Variants in SAMD5 observed in about 807,000 individuals in gnomAD.
SAMD5 encodes sterile alpha motif domain containing 5.
Under a neutral mutation model 11.3 loss-of-function variants are expected in SAMD5, and 13 were observed. That is an observed-to-expected ratio of 1.15 (90% CI 0.75 to 1.83). The LOEUF (loss-of-function observed/expected upper bound fraction) is 1.83, where lower values mean the gene tolerates loss of function less well. Among genes scored for constraint, SAMD5 ranks in the 40% most tolerant of loss-of-function variants. SAMD5 has a pLI of 0.00. For missense variants in SAMD5, 255 were observed against 239.1 expected, an observed-to-expected ratio of 1.07 and a Z score of -0.44; for synonymous variants, 129 against 111.3, an observed-to-expected ratio of 1.16 and a Z score of -1.00.
At chr6:147,690,059 TAA>T (rs1258822600) in intron 1 of SAMD5, among the ~76,000 whole-genome samples, 1 of 152,138 alleles carries the variant, frequency 6.6e-6, no homozygotes, top group Non-Finnish European at 1.5e-5. Flanking sequence ...CACCCCACAG[TAA>T]AAAACAGTGC....
intron 1 of SAMD5, among the ~76,000 whole-genome samples, chr6:147,549,476 GATAA>G (rs1378417164): frequency 1.3e-5 from 2 of 152,156 alleles, no homozygotes; most frequent in Non-Finnish European, 2.9e-5. Context: ...GAAGGTGATG[GATAA>G]ATGTTTCTCT....
chr6:147,510,169 G>T (rs1788066825), intron 1 of SAMD5, among the ~76,000 whole-genome samples: 1 of 152,158 alleles, frequency 6.6e-6, no homozygotes, highest in Non-Finnish European at 1.5e-5. Flanking sequence ...TGGGAGAGGA[G>T]GACCGAGCAC....
chr6:147,524,153 C>A (rs1455867912), intron 1 of SAMD5, among the ~76,000 whole-genome samples: 3 of 152,038 alleles, frequency 2.0e-5, no homozygotes, highest in Admixed American at 6.6e-5. Context: ...TTAATGTGAT[C>A]CTTCATGTTG....
the SAMD5 span, among the ~76,000 whole-genome samples, chr6:147,900,281 A>G: frequency 0.21 from 32,198 of 152,164 alleles, 3,486 homozygotes; most frequent in Non-Finnish European, 0.23. Context: ...GCTCACATGA[A>G]GCAGAGATGA....
chr6:147,821,698 T>C, the SAMD5 span, among the ~76,000 whole-genome samples: 58 of 152,316 alleles, frequency 3.8e-4, no homozygotes, highest in African/African-American at 1.4e-3. Context: ...GGAAGATGAT[T>C]GGGCAAGTTA....
At position 147,569,418 on chromosome 6, in the gene SAMD5, A is replaced by G. The variant is rs552602750; in HGVS notation, c.*4962A>G. The G allele has an allele frequency of 2.1e-6, 2 of 965,052 alleles. No homozygotes were observed. The highest frequency in any genetic ancestry group is 2.3e-4 in the East Asian group (2 of 8,698). 59.8% of individuals were successfully genotyped at this position (965,052 alleles called of 1,614,324 possible). Reference sequence around the variant, plus strand: ...AAGAGCTAAGTAGTATTTTTTTCTTAACAATTTTGCCAAAATTTCTTCTAC... The same window carrying G: ...AAGAGCTAAGTAGTATTTTTTTCTTGACAATTTTGCCAAAATTTCTTCTAC... On this transcript the variant is annotated 3_prime_UTR_variant, in exon 2 of 2. Transcript: ENST00000367474.
At position 147,509,004 on chromosome 6, in the gene SAMD5, G is replaced by A; in HGVS notation, c.76G>A (p.Gly26Ser). ...GTACGCGGAGTCCTTCGTGGATAACGGCTACGATGACCTGGAGGTGTGCAA... is the reference window on the plus strand; with the variant it reads ...GTACGCGGAGTCCTTCGTGGATAACAGCTACGATGACCTGGAGGTGTGCAA... ...PQYAESFVDN[G>S]YDDLEVCKQI... Residue 26 changes from glycine (G) to serine (S), a missense_variant, in exon 1 of 2, where the codon GGC (glycine) becomes AGC (serine). Physicochemically the swap from Gly to Ser is moderately conservative, Grantham distance 56 (BLOSUM62 0). Transcript: ENST00000367474. 6.2e-7 allele frequency: 1 copy of A among 1,605,494 alleles called. No individual in the cohort carries two copies. The highest frequency in any genetic ancestry group is 8.5e-7 in the Non-Finnish European group (1 of 1,176,600).
the SAMD5 span, among the ~76,000 whole-genome samples, chr6:147,872,955 C>T: frequency 7.9e-5 from 12 of 152,292 alleles, no homozygotes; most frequent in South Asian, 2.1e-4. Flanking sequence ...TAATCAGCTT[C>T]GGGGCCATCG....
the SAMD5 span, among the ~76,000 whole-genome samples, chr6:147,835,241 A>C: frequency 2.0e-5 from 3 of 150,634 alleles, no homozygotes; most frequent in Non-Finnish European, 4.4e-5. Flanking sequence ...TTAAAAAAAA[A>C]AAAAACAAAA....
chr6:147,698,426 C>G (rs1417501984), intron 1 of SAMD5, among the ~76,000 whole-genome samples: 2 of 152,134 alleles, frequency 1.3e-5, no homozygotes, highest in Non-Finnish European at 2.9e-5. Context: ...TTTCTCCTTT[C>G]CCTTTGATTG....
the SAMD5 span, among the ~76,000 whole-genome samples, chr6:147,811,118 T>C: frequency 6.6e-6 from 1 of 152,230 alleles, no homozygotes; most frequent in African/African-American, 2.4e-5. Context: ...GAATACAATG[T>C]TCGGCATATA....
intron 1 of SAMD5, among the ~76,000 whole-genome samples, chr6:147,722,758 G>A (rs1313171925): frequency 4.6e-5 from 7 of 152,124 alleles, no homozygotes; most frequent in African/African-American, 1.4e-4. Context: ...CAGACACTGT[G>A]TATAAAATAA....
At chr6:147,766,114 A>C in the SAMD5 span, among the ~76,000 whole-genome samples, 1 of 149,492 alleles carries the variant, frequency 6.7e-6, no homozygotes, top group East Asian at 1.9e-4. Flanking sequence ...GAAAAAAAAA[A>C]ACACAAAAAA....
chr6:147,824,466 G>A, the SAMD5 span, among the ~76,000 whole-genome samples: 1 of 152,140 alleles, frequency 6.6e-6, no homozygotes, highest in Non-Finnish European at 1.5e-5. Context: ...TTGGTTAATT[G>A]CATTTTAAAA....
chr6:147,753,696 C>T, the SAMD5 span, among the ~76,000 whole-genome samples: 1 of 151,550 alleles, frequency 6.6e-6, no homozygotes, highest in Non-Finnish European at 1.5e-5. Flanking sequence ...TCCCCACCTT[C>T]CCCCCAGCCC....
the SAMD5 span, among the ~76,000 whole-genome samples, chr6:147,810,664 G>A: frequency 6.6e-6 from 1 of 152,228 alleles, no homozygotes; most frequent in Admixed American, 6.5e-5. Flanking sequence ...CAACATGGCA[G>A]GTCTTAGCAC....
At chr6:147,628,637 C>A (rs764799938) in intron 1 of SAMD5, among the ~76,000 whole-genome samples, 16 of 151,740 alleles carry the variant, frequency 1.1e-4, no homozygotes, top group Non-Finnish European at 2.2e-4. Flanking sequence ...TTCAACAATC[C>A]GTTGAACAGA....
At chr6:147,642,222 CTT>C (rs1190670173) in intron 1 of SAMD5, among the ~76,000 whole-genome samples, 3 of 152,200 alleles carry the variant, frequency 2.0e-5, no homozygotes, top group African/African-American at 4.8e-5. Flanking sequence ...TCCATTTCCT[CTT>C]TCTTACTTTA....
At chr6:147,862,063 T>C in the SAMD5 span, among the ~76,000 whole-genome samples, 1 of 152,156 alleles carries the variant, frequency 6.6e-6, no homozygotes, top group South Asian at 2.1e-4. Context: ...GCTTTTACCT[T>C]CCTTTATTTA....
Sources: allele counts gnomAD v4.1 joint callset (sites outside exome capture counted in the v4.1 genomes callset), GRCh38; gene constraint gnomAD v4.1.1; transcripts MANE v1.5; gene names NCBI Gene and HGNC (gene_info 2026-07-23, HGNC 2026-07-21).